Variants in RPS6KC1 observed in about 807,000 individuals in gnomAD.
The protein encoded by RPS6KC1 is ribosomal protein S6 kinase C1.
RPS6KC1 carries 54 observed loss-of-function variants against 103.8 expected under a neutral mutation model. The observed-to-expected ratio is 0.52, with a 90% CI of 0.42 to 0.65. The LOEUF (loss-of-function observed/expected upper bound fraction) is 0.65. Ranked by LOEUF, RPS6KC1 falls within the 30% of genes least tolerant of loss-of-function variation. RPS6KC1 has a pLI of 0.00. For missense variants in RPS6KC1, 1,151 were observed against 1,253.8 expected, an observed-to-expected ratio of 0.92 and a Z score of 1.24; for synonymous variants, 439 against 438.7, an observed-to-expected ratio of 1.00 and a Z score of -0.01.
chr1:213,382,888 A>C, the RPS6KC1 span, among the ~76,000 whole-genome samples: 1 of 152,238 alleles, frequency 6.6e-6, no homozygotes, highest in African/African-American at 2.4e-5. Context: ...TGGTCTGGCA[A>C]AATGGATTGA....
chr1:213,102,699 A>C (rs750903290), intron 3 of RPS6KC1, among the ~76,000 whole-genome samples: 18 of 152,176 alleles, frequency 1.2e-4, no homozygotes, highest in Non-Finnish European at 2.1e-4. Context: ...CAGTATACAG[A>C]ATGTTAGGAA....
the RPS6KC1 span, among the ~76,000 whole-genome samples, chr1:213,710,653 C>A: frequency 6.6e-6 from 1 of 152,060 alleles, no homozygotes; most frequent in African/African-American, 2.4e-5. Flanking sequence ...TGGCTGGTAC[C>A]GGTTTTTCTT....
At chr1:213,135,059 T>G (rs2086118952) in intron 6 of RPS6KC1, among the ~76,000 whole-genome samples, 1 of 152,164 alleles carries the variant, frequency 6.6e-6, no homozygotes, top group South Asian at 2.1e-4. Flanking sequence ...TAGTTGTTGG[T>G]TTTTCATAGA....
At chr1:213,355,223 GA>G in the RPS6KC1 span, among the ~76,000 whole-genome samples, 11,054 of 147,034 alleles carry the variant, frequency 0.075, 541 homozygotes, top group Middle Eastern at 0.16. Context: ...TCTCACAAAG[GA>G]AAAAAAAAAG....
At chr1:213,464,007 T>C in the RPS6KC1 span, among the ~76,000 whole-genome samples, 1 of 152,214 alleles carries the variant, frequency 6.6e-6, no homozygotes, top group Non-Finnish European at 1.5e-5. Context: ...ACTGATGTGG[T>C]AGATTACATC....
Position 213,232,228 on chromosome 1 carries a change from G to T in RPS6KC1, c.1198G>T (p.Val400Leu). ...TAAGTACATCATCTCTGAGGAGTCA[G>T]TATTTCTTGTGCTGCAGCATGCGGA... ...LHKYIISEESVFLVLQHAEGG... is the reference protein window; with the variant it reads ...LHKYIISEESLFLVLQHAEGG... Residue 400 changes from valine to leucine, a missense_variant, in exon 10 of 15, where the codon GTA becomes TTA. Val to Leu is a conservative substitution (Grantham distance 32). This residue lies in a region of RPS6KC1 where 959 missense variants were observed against 1,006.3 expected (regional missense o/e 0.95). Transcript: ENST00000366960. 5 of 1,614,012 alleles carry T rather than the reference G, an allele frequency of 3.1e-6. No homozygotes were observed. Among genetic ancestry groups the T allele is most frequent in the Non-Finnish European group, 3.4e-6 (4 of 1,179,874 alleles).
chr1:213,107,962 A>G (rs907185859), intron 4 of RPS6KC1, among the ~76,000 whole-genome samples: 14 of 151,810 alleles, frequency 9.2e-5, no homozygotes, highest in Non-Finnish European at 2.1e-4. Flanking sequence ...CATTTTTTTG[A>G]TTGGGTTATC....
chr1:213,702,195 T>A, the RPS6KC1 span, among the ~76,000 whole-genome samples: 5 of 151,982 alleles, frequency 3.3e-5, no homozygotes, highest in Non-Finnish European at 5.9e-5. Flanking sequence ...AGGAGCATAT[T>A]GTTTACTTTC....
At chr1:213,148,242 C>T (rs1194785022) in intron 6 of RPS6KC1, among the ~76,000 whole-genome samples, 5 of 152,118 alleles carry the variant, frequency 3.3e-5, no homozygotes, top group Admixed American at 6.5e-5. Flanking sequence ...TAAAAGTGGG[C>T]ATCCTTGTCA....
At position 213,120,372 on chromosome 1, in the gene RPS6KC1, C is replaced by CA. The variant is rs567862498; in HGVS notation, c.472+2963dup. ...GATAAATACAGATAGATCAAAGTGT[C>CA]AGACAGCTTGCAAATTCATTGTTAT... is the stretch of plus-strand genomic sequence containing the variant. On this transcript the variant is annotated intron_variant, in intron 5 of 14. Coordinates refer to ENST00000366960, the MANE Select transcript of RPS6KC1 (RefSeq NM_012424.6). Among the ~76,000 whole-genome samples, 21 of 152,272 alleles carry CA rather than the reference C, an allele frequency of 1.4e-4. No individual in the cohort carries two copies. In the East Asian group the frequency reaches 3.9e-3, roughly 28 times the overall value.
chr1:213,425,963 G>A, the RPS6KC1 span, among the ~76,000 whole-genome samples: 1 of 152,118 alleles, frequency 6.6e-6, no homozygotes, highest in South Asian at 2.1e-4. Flanking sequence ...GAGTTTGGCA[G>A]GTGTCCTCGA....
chr1:213,182,739 T>C (rs906376149), intron 8 of RPS6KC1, among the ~76,000 whole-genome samples: 1 of 149,498 alleles, frequency 6.7e-6, no homozygotes, highest in African/African-American at 2.4e-5. Flanking sequence ...ATGAGATATA[T>C]ATATGATATA....
chr1:213,676,852 T>C, the RPS6KC1 span, among the ~76,000 whole-genome samples: 18,449 of 152,292 alleles, frequency 0.12, 1,240 homozygotes, highest in Non-Finnish European at 0.15. Flanking sequence ...CCTAAGTTGA[T>C]TCTTCTGCTG....
At chr1:213,685,218 T>C in the RPS6KC1 span, among the ~76,000 whole-genome samples, 1 of 152,154 alleles carries the variant, frequency 6.6e-6, no homozygotes. Context: ...ATTTGTGCGG[T>C]GGAAGGAGCA....
chr1:213,317,964 G>A, the RPS6KC1 span, among the ~76,000 whole-genome samples: 1 of 152,240 alleles, frequency 6.6e-6, no homozygotes, highest in African/African-American at 2.4e-5. Flanking sequence ...ATGACACAGA[G>A]GCACCTGCCT....
the RPS6KC1 span, among the ~76,000 whole-genome samples, chr1:213,406,256 C>T: frequency 1.3e-5 from 2 of 152,200 alleles, no homozygotes; most frequent in South Asian, 2.1e-4. Flanking sequence ...GATGCTCTCT[C>T]ATGGGCATGG....
In RPS6KC1 at chr1:213,071,100, T is replaced by C; in HGVS notation, c.141+59T>C. The C allele has an allele frequency of 3.8e-6, 4 of 1,056,804 alleles. No individual in the cohort carries two copies. The Admixed American group carries it at 1.0e-4, about 27-fold the overall frequency. The allele number at this position is 1,056,804 out of a possible 1,614,324, so 65.5% of individuals were successfully genotyped here. On this transcript the variant is annotated intron_variant, in intron 2 of 14. Transcript: ENST00000366960. ...TTGATAAAAATTTAACTAAATGCTT[T>C]TTTGAGGAAATTGCCTGAATCATTT... is the stretch of plus-strand genomic sequence containing the variant.
chr1:213,267,134 A>T (rs1029784427), intron 14 of RPS6KC1, among the ~76,000 whole-genome samples: 1 of 151,832 alleles, frequency 6.6e-6, no homozygotes, highest in African/African-American at 2.4e-5. Context: ...GCCAGGGCAG[A>T]TGTGGTTTTG....
the RPS6KC1 span, among the ~76,000 whole-genome samples, chr1:213,798,178 G>T: frequency 2.0e-5 from 3 of 152,152 alleles, no homozygotes; most frequent in Non-Finnish European, 4.4e-5. Flanking sequence ...AAATAATTAA[G>T]CAGGTCATTA....
Sources: allele counts gnomAD v4.1 joint callset (sites outside exome capture counted in the v4.1 genomes callset), GRCh38; gene constraint gnomAD v4.1.1; regional missense constraint gnomAD v4.1.1; transcripts MANE v1.5; gene names NCBI Gene and HGNC (gene_info 2026-07-23, HGNC 2026-07-21).